The following SLC35A4 variants were observed in gnomAD, a reference collection of about 807,000 sequenced individuals.
SLC35A4 encodes the protein probable UDP-sugar transporter protein SLC35A4.
In SLC35A4, 9 loss-of-function variants were observed where a neutral mutation model predicts 18.8. The ratio of observed to expected loss-of-function variants is 0.48; its 90% CI spans 0.29 to 0.83. SLC35A4 has a LOEUF of 0.83. Among genes scored for constraint, SLC35A4 ranks in the 40% least tolerant of loss-of-function variants. SLC35A4 has a pLI of 0.09. For synonymous variants in SLC35A4, 189 were observed against 191.9 expected (o/e 0.98, Z 0.13); for missense variants, 404 against 415.5 (o/e 0.97, Z 0.24).
chr5:140,566,419 G>A, intron 2 of SLC35A4, 146 bp from the exon 3 acceptor site: 1 of 397,980 alleles, frequency 2.5e-6, no homozygotes, highest in Non-Finnish European at 4.4e-6. Context: ...TCTGGCCCCA[G>A]AACCTTGGGA....
At chr5:140,566,024 C>A in intron 2 of SLC35A4, 53 bp downstream of exon 2, 1 of 398,676 alleles carries the variant, frequency 2.5e-6, no homozygotes, top group South Asian at 1.3e-4. Context: ...CCAACATGCT[C>A]TTGAGAGTGT....
In SLC35A4 at chr5:140,568,040, G is replaced by A. The variant is rs1040812670; in HGVS notation, c.871G>A (p.Ala291Thr). 1.7e-5 allele frequency: 27 copies of A among 1,613,820 alleles called. No homozygotes were observed. Among genetic ancestry groups the A allele is most frequent in the Non-Finnish European group, 2.1e-5 (25 of 1,180,012 alleles). ...FVVSCSLVVN[A>T]VLSAVLLRLQ... Reference sequence around the variant, plus strand: ...GGTGTCCTGCTCGCTGGTGGTCAACGCCGTGCTCTCAGCAGTCCTGCTACG... The same window carrying A: ...GGTGTCCTGCTCGCTGGTGGTCAACACCGTGCTCTCAGCAGTCCTGCTACG... Residue 291 changes from alanine (A) to threonine (T), a missense_variant, in exon 3 of 3, where the codon GCC becomes ACC. Coordinates refer to ENST00000323146, the MANE Select transcript of SLC35A4 (RefSeq NM_080670.4).
chr5:140,568,055 G>T lies in SLC35A4; in HGVS notation c.886G>T (p.Val296Phe). 1.2e-6 allele frequency: 2 copies of T among 1,614,012 alleles called. No individual in the cohort carries two copies. The highest frequency in any genetic ancestry group is 1.7e-6 in the Non-Finnish European group (2 of 1,180,032). The change falls in exon 3 of 3, where the codon GTC becomes TTC. Residue 296 changes from valine to phenylalanine, a missense_variant. Transcript: ENST00000323146. ...GGTGGTCAACGCCGTGCTCTCAGCA[G>T]TCCTGCTACGGCTGCAGCTCACAGC... Reference protein sequence around the residue: ...SLVVNAVLSAVLLRLQLTAAF... With the variant: ...SLVVNAVLSAFLLRLQLTAAF...
rs929940665 is a variant in SLC35A4, at chr5:140,565,859, C to G, written c.-704-14C>G. 6 of 398,778 alleles carry G rather than the reference C, an allele frequency of 1.5e-5. No homozygotes were observed. Among genetic ancestry groups the G allele is most frequent in the Admixed American group, 1.3e-4 (3 of 22,718 alleles). 24.7% of individuals were successfully genotyped at this position (398,778 alleles called of 1,614,324 possible). ...TTAGTCAGACTGCTGGAGCCAGCCT[C>G]TCGCTTGTCCTAGGATTCTCTGCCT... On this transcript the variant is annotated splice_polypyrimidine_tract_variant and intron_variant, in intron 1 of 2. Transcript: ENST00000323146.
At position 140,568,933 on chromosome 5, in the gene SLC35A4, C is replaced by G. The variant is rs1406160393; in HGVS notation, c.*789C>G. On this transcript the variant is annotated 3_prime_UTR_variant, in exon 3 of 3. Transcript: ENST00000323146. ...ATGCTTCCCACTCTGGGGCCTGCCC[C>G]TGCCTAGCAGTCTCCCAGCTCCCAA... 1 of 167,218 alleles carries G rather than the reference C, an allele frequency of 6.0e-6. No individual in the cohort carries two copies. The highest frequency in any genetic ancestry group is 2.4e-5 in the African/African-American group (1 of 41,466). The allele number at this position is 167,218 out of a possible 1,614,324, so 10.4% of individuals were successfully genotyped here.
rs749083873 is a variant in SLC35A4 at position 140,568,206 on chromosome 5, C to G, written c.*62C>G. On this transcript the variant is annotated 3_prime_UTR_variant, in exon 3 of 3. Coordinates refer to ENST00000323146, the MANE Select transcript of SLC35A4 (RefSeq NM_080670.4). ...GATTGGGCGCCACCACCAGATCCCC[C>G]TCCCAGGCCTTCCTCCCTCTCCCAT... is the stretch of plus-strand genomic sequence containing the variant. 6.8e-6 allele frequency: 11 copies of G among 1,611,176 alleles called. No individual in the cohort carries two copies. In the African/African-American group the frequency reaches 9.3e-5, roughly 14 times the overall value.
chr5:140,566,024 C>T (rs757097844), intron 2 of SLC35A4, 53 bp downstream of exon 2: 1 of 398,558 alleles, frequency 2.5e-6, no homozygotes, highest in African/African-American at 2.1e-5. Context: ...CCAACATGCT[C>T]TTGAGAGTGT....
At position 140,567,663 on chromosome 5, in the gene SLC35A4, G is replaced by C. The variant is rs201884231; in HGVS notation, c.494G>C (p.Gly165Ala). 24 of 1,613,902 alleles carry C rather than the reference G, an allele frequency of 1.5e-5. No homozygotes were observed. The highest frequency in any genetic ancestry group is 1.6e-4 in the Middle Eastern group (1 of 6,082). The change falls in exon 3 of 3, where the codon GGG (glycine) becomes GCG (alanine). Residue 165 changes from glycine to alanine, a missense_variant. Physicochemically the swap from Gly to Ala is moderately conservative, Grantham distance 60 (BLOSUM62 0). Transcript: ENST00000323146. Reference sequence around the variant, plus strand: ...GCAGCAGGGGGCCTTCAAGTTCCCGGGAACACCCTTCCCAGTCCCCCTCCA... The same window carrying C: ...GCAGCAGGGGGCCTTCAAGTTCCCGCGAACACCCTTCCCAGTCCCCCTCCA... ...CYAAGGLQVPGNTLPSPPPAA... is the reference protein window; with the variant it reads ...CYAAGGLQVPANTLPSPPPAA...
chr5:140,566,937 T>C lies in SLC35A4; in HGVS notation c.-233T>C. On this transcript the variant is annotated 5_prime_UTR_variant, in exon 3 of 3. Coordinates refer to ENST00000323146, the MANE Select transcript of SLC35A4 (RefSeq NM_080670.4). Reference sequence around the variant, plus strand: ...TTCCTCAGCCTGCACCCTGGATTCCTTCTTCCCCTTCCTAGCTCCATGGGA... The same window carrying C: ...TTCCTCAGCCTGCACCCTGGATTCCCTCTTCCCCTTCCTAGCTCCATGGGA... 1.4e-6 allele frequency: 1 copy of C among 696,004 alleles called. No individual in the cohort carries two copies. The highest frequency in any genetic ancestry group is 2.1e-5 in the Admixed American group (1 of 47,794). The allele number at this position is 696,004 out of a possible 1,614,324, so 43.1% of individuals were successfully genotyped here.
Position 140,567,938 on chromosome 5 carries a change from G to C in SLC35A4, c.769G>C (p.Val257Leu). 6.2e-7 allele frequency: 1 copy of C among 1,614,184 alleles called. No homozygotes were observed. The highest frequency in any genetic ancestry group is 8.5e-7 in the Non-Finnish European group (1 of 1,180,034). Residue 257 changes from valine (V) to leucine (L), a missense_variant, in exon 3 of 3, where the codon GTG becomes CTG. Transcript: ENST00000323146. ...TTTCTCAGGATGGGCAGCACTCGTG[G>C]TGCTGAGCCAGGCACTAAATGGACT... ...EGFSGWAALV[V>L]LSQALNGLLM...
chr5:140,567,630 C>T lies in SLC35A4; in HGVS notation c.461C>T (p.Ala154Val), dbSNP rs761245053. ...LALLLLMAAG[A>V]CYAAGGLQVP... is the part of the protein sequence containing the mutation. Reference sequence around the variant, plus strand: ...CTGCTGCTGCTGATGGCTGCGGGAGCCTGCTATGCAGCAGGGGGCCTTCAA... The same window carrying T: ...CTGCTGCTGCTGATGGCTGCGGGAGTCTGCTATGCAGCAGGGGGCCTTCAA... Residue 154 changes from alanine to valine, a missense_variant, in exon 3 of 3, where the codon GCC becomes GTC. Transcript: ENST00000323146. 2 of 1,614,184 alleles carry T rather than the reference C, an allele frequency of 1.2e-6. No homozygotes were observed. Among genetic ancestry groups the T allele is most frequent in the Non-Finnish European group, 1.7e-6 (2 of 1,180,038 alleles).
chr5:140,568,218 C>T lies in SLC35A4; in HGVS notation c.*74C>T. Reference sequence around the variant, plus strand: ...CCACCAGATCCCCCTCCCAGGCCTTCCTCCCTCTCCCATCAGCAGCCCTGT... The same window carrying T: ...CCACCAGATCCCCCTCCCAGGCCTTTCTCCCTCTCCCATCAGCAGCCCTGT... On this transcript the variant is annotated 3_prime_UTR_variant, in exon 3 of 3. Transcript: ENST00000323146. 6.2e-7 allele frequency: 1 copy of T among 1,606,742 alleles called. No homozygotes were observed. Among genetic ancestry groups the T allele is most frequent in the Non-Finnish European group, 8.5e-7 (1 of 1,175,962 alleles).
In SLC35A4 at chr5:140,567,223, C is replaced by A. The variant is rs1385757205; in HGVS notation, c.54C>A (p.Arg18=). 1 of 1,614,192 alleles carries A rather than the reference C, an allele frequency of 6.2e-7. No individual in the cohort carries two copies. The highest frequency in any genetic ancestry group is 1.1e-5 in the South Asian group (1 of 91,088). ...GCCTGGGCCGTCCCAGGCAGGCCCG[C>A]TGGACCCTGATGCTACTCCTATCCA... ...MPGLGRPRQA[R]WTLMLLLSTA... is the part of the protein sequence containing the mutation. The change falls in exon 3 of 3, where the codon CGC becomes CGA. Residue 18 remains arginine (R), a synonymous_variant. Coordinates refer to ENST00000323146, the MANE Select transcript of SLC35A4 (RefSeq NM_080670.4).
Position 140,566,859 on chromosome 5 carries a change from A to C in SLC35A4, c.-311A>C. 3.3e-6 allele frequency: 2 copies of C among 608,364 alleles called. No homozygotes were observed. Among genetic ancestry groups the C allele is most frequent in the Non-Finnish European group, 2.9e-6 (1 of 341,086 alleles). 37.7% of individuals were successfully genotyped at this position (608,364 alleles called of 1,614,324 possible). ...AGCTGTCATCCATTTGCTATCTCCAACTTTCCTGCCACCTTCATCCTTGCC... is the reference window on the plus strand; with the variant it reads ...AGCTGTCATCCATTTGCTATCTCCACCTTTCCTGCCACCTTCATCCTTGCC... On this transcript the variant is annotated 5_prime_UTR_variant, in exon 3 of 3. Coordinates refer to ENST00000323146, the MANE Select transcript of SLC35A4 (RefSeq NM_080670.4).
chr5:140,565,039 G>T, intron 1 of SLC35A4, 181 bp downstream of exon 1: 1 of 397,860 alleles, frequency 2.5e-6, no homozygotes, highest in South Asian at 1.4e-4. Context: ...TCGGCGAGGC[G>T]GGAGGAGCCG....
rs756461651 is a variant in SLC35A4, at chr5:140,567,157, G to A, written c.-13G>A. On this transcript the variant is annotated 5_prime_UTR_variant, in exon 3 of 3. Coordinates refer to ENST00000323146, the MANE Select transcript of SLC35A4 (RefSeq NM_080670.4). ...CCCTGCTGCCCCTTAGCCACCCAGG[G>A]TCTTGTGTGGGTATGAGTGTAGAGG... is the stretch of plus-strand genomic sequence containing the variant. 1 of 1,614,184 alleles carries A rather than the reference G, an allele frequency of 6.2e-7. No individual in the cohort carries two copies. Among genetic ancestry groups the A allele is most frequent in the South Asian group, 1.1e-5 (1 of 91,086 alleles).
In SLC35A4 at chr5:140,567,553, G is replaced by A. The variant is rs761362432; in HGVS notation, c.384G>A (p.Val128=). 6.2e-7 allele frequency: 1 copy of A among 1,614,216 alleles called. No individual in the cohort carries two copies. The highest frequency in any genetic ancestry group is 8.5e-7 in the Non-Finnish European group (1 of 1,180,044). ...LSNLKIGSTA[V]LYCLCLRHRL... ...ATCTCAAGATTGGAAGCACAGCTGT[G>A]CTCTACTGCCTCTGCCTCCGGCACC... Residue 128 remains valine, a synonymous_variant, in exon 3 of 3, where the codon GTG becomes GTA. Coordinates refer to ENST00000323146, the MANE Select transcript of SLC35A4 (RefSeq NM_080670.4).
rs1755244220 is a variant in SLC35A4 at position 140,568,389 on chromosome 5, C to T, written c.*245C>T. 1 of 601,724 alleles carries T rather than the reference C, an allele frequency of 1.7e-6. No individual in the cohort carries two copies. Among genetic ancestry groups the T allele is most frequent in the African/African-American group, 1.9e-5 (1 of 53,840 alleles). 37.3% of individuals were successfully genotyped at this position (601,724 alleles called of 1,614,324 possible). On this transcript the variant is annotated 3_prime_UTR_variant, in exon 3 of 3. Transcript: ENST00000323146. ...ACCATCCCCCACCCCCAACCAAGTT[C>T]TTCCAGACTAAAGAATTAAGGTAAC...
Position 140,567,650 on chromosome 5 carries a change from C to G in SLC35A4, c.481C>G (p.Leu161Val). 1 of 1,614,128 alleles carries G rather than the reference C, an allele frequency of 6.2e-7. No individual in the cohort carries two copies. The highest frequency in any genetic ancestry group is 1.7e-4 in the Middle Eastern group (1 of 6,060). The change falls in exon 3 of 3, where the codon CTT (leucine) becomes GTT (valine). Residue 161 changes from leucine (L) to valine (V), a missense_variant. Coordinates refer to ENST00000323146, the MANE Select transcript of SLC35A4 (RefSeq NM_080670.4). ...GGGAGCCTGCTATGCAGCAGGGGGC[C>G]TTCAAGTTCCCGGGAACACCCTTCC... ...AAGACYAAGG[L>V]QVPGNTLPSP...
Sources: gnomAD v4.1 joint callset for allele counts on GRCh38, gnomAD v4.1.1 for gene constraint, MANE v1.5 for transcripts, NCBI Gene and HGNC (gene_info 2026-07-23, HGNC 2026-07-21) for gene names.